Variants in ZNF682 observed in about 807,000 individuals in gnomAD.
The protein encoded by ZNF682 is zinc finger protein 682.
ZNF682 carries 29 observed loss-of-function variants against 36.5 expected under a neutral mutation model. The ratio of observed to expected loss-of-function variants is 0.80; its 90% CI spans 0.59 to 1.08. The LOEUF (loss-of-function observed/expected upper bound fraction) is 1.08, where lower values mean the gene tolerates loss of function less well. Ranked by LOEUF, ZNF682 falls within the 50% of genes least tolerant of loss-of-function variation. ZNF682 has a pLI of 0.00. For synonymous variants in ZNF682, 180 were observed against 197.0 expected (o/e 0.91, Z 0.72); for missense variants, 561 against 579.7 (o/e 0.97, Z 0.33).
intron 3 of ZNF682, among the ~76,000 whole-genome samples, chr19:20,008,896 C>T (rs1005327769): frequency 2.6e-5 from 4 of 152,132 alleles, no homozygotes; most frequent in African/African-American, 9.7e-5. Flanking sequence ...CTATGAAATC[C>T]ACTGCAGGAA....
rs1234285743 is a variant in ZNF682 at position 20,037,054 on chromosome 19, A to G, written c.3+2289T>C. On this transcript the variant is annotated intron_variant, in intron 1 of 3. Transcript: ENST00000397165. ...CTTCAGGAAAAGGCAAAAGAACAAAATGTCTTCCCTCATTTTCAAGTGGGG... is the reference window on the plus strand; with the variant it reads ...CTTCAGGAAAAGGCAAAAGAACAAAGTGTCTTCCCTCATTTTCAAGTGGGG... 3.9e-5 allele frequency among the ~76,000 whole-genome samples: 6 copies of G among 152,180 alleles called. No individual in the cohort carries two copies. In the South Asian group the frequency reaches 1.2e-3, roughly 32 times the overall value.
Position 20,006,689 on chromosome 19 carries a change from G to A in ZNF682, c.813C>T (p.Pro271=), listed in dbSNP as rs375122593. 1.4e-5 allele frequency: 22 copies of A among 1,613,708 alleles called. No individual in the cohort carries two copies. The highest frequency in any genetic ancestry group is 2.2e-5 in the South Asian group (2 of 91,058). Reference sequence around the variant, plus strand: ...TATGAATTTTCTTATGTCTAACAAAGGGTGAACACCAGTGAAAGGCTTTTC... The same window carrying A: ...TATGAATTTTCTTATGTCTAACAAAAGGTGAACACCAGTGAAAGGCTTTTC... The part of the protein sequence containing the change: ...ECGKAFHWCS[P]FVRHKKIHTG... The change falls in exon 4 of 4, where the codon CCC becomes CCT. Residue 271 remains proline, a synonymous_variant. Transcript: ENST00000397165.
intron 3 of ZNF682, chr19:20,015,523 C>T (rs960606952): frequency 1.4e-6 from 1 of 720,944 alleles, no homozygotes; most frequent in Non-Finnish European, 1.7e-6. Context: ...AAAACTGTAA[C>T]AAATAAATAT....
At chr19:20,016,091 G>A (rs2088332427) in intron 3 of ZNF682, among the ~76,000 whole-genome samples, 1 of 152,094 alleles carries the variant, frequency 6.6e-6, no homozygotes, top group Non-Finnish European at 1.5e-5. Context: ...CGGGTGGATC[G>A]CTTGAGCTCA....
At chr19:20,022,021 G>A (rs951598621) in intron 3 of ZNF682, among the ~76,000 whole-genome samples, 5 of 151,330 alleles carry the variant, frequency 3.3e-5, no homozygotes, top group Non-Finnish European at 5.9e-5. Context: ...AATACAAAAA[G>A]TAGCTGGGCA....
At chr19:19,996,276 G>C (rs1272733063), downstream of ZNF682, among the ~76,000 whole-genome samples, 1 of 152,174 alleles carries the variant, frequency 6.6e-6, no homozygotes, top group Non-Finnish European at 1.5e-5. Context: ...ACAGTATGGA[G>C]ATTCCTTAAA....
At position 20,005,688 on chromosome 19, in the gene ZNF682, G is replaced by A. The variant is rs544490486; in HGVS notation, c.*317C>T. 1 of 285,280 alleles carries A rather than the reference G, an allele frequency of 3.5e-6. No individual in the cohort carries two copies. Among genetic ancestry groups the A allele is most frequent in the East Asian group, 7.0e-5 (1 of 14,296 alleles). 17.7% of individuals were successfully genotyped at this position (285,280 alleles called of 1,614,324 possible). On this transcript the variant is annotated 3_prime_UTR_variant, in exon 4 of 4. Coordinates refer to ENST00000397165, the MANE Select transcript of ZNF682 (RefSeq NM_033196.3). Reference sequence around the variant, plus strand: ...TTGTGTACTCTAAGGCTTTTATTTGGTGACATCTTTCCACAGATAAATGTA... The same window carrying A: ...TTGTGTACTCTAAGGCTTTTATTTGATGACATCTTTCCACAGATAAATGTA...
chr19:20,036,020 A>C (rs1457814759), intron 1 of ZNF682, among the ~76,000 whole-genome samples: 1 of 152,096 alleles, frequency 6.6e-6, no homozygotes, highest in Non-Finnish European at 1.5e-5. Flanking sequence ...ACAGGTGTGA[A>C]CCACTGCACC....
chr19:20,023,852 G>A (rs1219731542), intron 2 of ZNF682, among the ~76,000 whole-genome samples: 5 of 151,826 alleles, frequency 3.3e-5, no homozygotes, highest in African/African-American at 1.2e-4. Context: ...CGTGGTGGTG[G>A]GCACCTGTAG....
At chr19:20,024,120 C>T in intron 2 of ZNF682, 130 bp downstream of exon 2, 1 of 1,110,118 alleles carries the variant, frequency 9.0e-7, no homozygotes, top group Non-Finnish European at 1.3e-6. Flanking sequence ...AACAAATCCC[C>T]AAGTTTTCCT....
At chr19:20,021,440 C>T (rs1249697644) in intron 3 of ZNF682, among the ~76,000 whole-genome samples, 1 of 151,752 alleles carries the variant, frequency 6.6e-6, no homozygotes, top group Non-Finnish European at 1.5e-5. Flanking sequence ...GCCAAGATTG[C>T]GCCACTGCAC....
chr19:20,018,124 C>G (rs1005595107), intron 3 of ZNF682, among the ~76,000 whole-genome samples: 1 of 104,672 alleles, frequency 9.6e-6, no homozygotes, highest in South Asian at 3.5e-4. Flanking sequence ...GACGGAGTCT[C>G]GCTCTGTCGC....
downstream of ZNF682, among the ~76,000 whole-genome samples, chr19:20,002,395 AAC>A (rs2088174357): frequency 6.6e-6 from 1 of 152,092 alleles, no homozygotes. Context: ...ACACAGACAT[AAC>A]AGAGGTCCCT....
chr19:20,015,088 G>C, intron 3 of ZNF682: 1 of 576,342 alleles, frequency 1.7e-6, no homozygotes, highest in Non-Finnish European at 2.2e-6. Context: ...AAATATTTAA[G>C]ATTCTAAATT....
chr19:19,997,076 A>G (rs906669186), exon 4 of ZNF682: 1 of 396,010 alleles, frequency 2.5e-6, no homozygotes, highest in Non-Finnish European at 4.4e-6. Context: ...AGGAAAAAAA[A>G]AAAAACCCAG....
intron 1 of ZNF682, among the ~76,000 whole-genome samples, chr19:20,026,630 AATT>A (rs2088433945): frequency 1.3e-5 from 2 of 151,926 alleles, no homozygotes; most frequent in Admixed American, 6.6e-5. Context: ...ACACCTGGCT[AATT>A]TTTTGGGTTT....
intron 1 of ZNF682, among the ~76,000 whole-genome samples, chr19:20,036,776 C>T (rs1005564589): frequency 3.8e-5 from 5 of 132,146 alleles, no homozygotes; most frequent in East Asian, 2.2e-4. Flanking sequence ...ACACCAGTTC[C>T]GGGAACATGG....
chr19:20,005,980 T>C lies in ZNF682; in HGVS notation c.*25A>G, dbSNP rs2088211268. On this transcript the variant is annotated 3_prime_UTR_variant, in exon 4 of 4. Transcript: ENST00000397165. ...GAATTTGCCACATTCTTTACATTTG[T>C]AGGATTTCTCTTTAGTAAAAATTCT... 2 of 1,550,560 alleles carry C rather than the reference T, an allele frequency of 1.3e-6. No individual in the cohort carries two copies. Among genetic ancestry groups the C allele is most frequent in the Non-Finnish European group, 1.7e-6 (2 of 1,150,972 alleles).
rs1281598921 is a variant in ZNF682 at position 20,039,286 on chromosome 19, C to T, written c.3+57G>A. The T allele has an allele frequency of 4.4e-6, 7 of 1,604,810 alleles. No homozygotes were observed. The African/African-American group carries it at 8.0e-5, about 18-fold the overall frequency. On this transcript the variant is annotated intron_variant, in intron 1 of 3. Coordinates refer to ENST00000397165, the MANE Select transcript of ZNF682 (RefSeq NM_033196.3). ...GCCCCAGTCCCGTCACTGCCGGTTC[C>T]GGCCGGTTTCAACCAGCCCTGCCCC...
Sources: allele counts gnomAD v4.1 joint callset (sites outside exome capture counted in the v4.1 genomes callset), GRCh38; gene constraint gnomAD v4.1.1; transcripts MANE v1.5; gene names NCBI Gene and HGNC (gene_info 2026-07-23, HGNC 2026-07-21).